Variants in VWA8 observed in about 807,000 individuals in gnomAD.
VWA8 encodes the protein von Willebrand factor A domain containing 8.
VWA8 carries 221 observed loss-of-function variants against 241.5 expected under a neutral mutation model. The observed-to-expected ratio is 0.91, with a 90% CI of 0.82 to 1.02. The LOEUF is 1.02. Ranked by LOEUF, VWA8 falls within the 50% of genes least tolerant of loss-of-function variation. The pLI is 0.00. For missense variants in VWA8, 2,322 were observed against 2,328.7 expected, an observed-to-expected ratio of 1.00 and a Z score of 0.06; for synonymous variants, 852 against 827.1, an observed-to-expected ratio of 1.03 and a Z score of -0.52.
intron 9 of VWA8, among the ~76,000 whole-genome samples, chr13:41,873,499 G>A (rs1017053845): frequency 7.9e-5 from 12 of 151,986 alleles, no homozygotes; most frequent in Non-Finnish European, 1.5e-4. Flanking sequence ...TGATAAAGGG[G>A]ATATCACCAC....
intron 2 of VWA8, among the ~76,000 whole-genome samples, chr13:41,929,384 C>A (rs1215477970): frequency 6.6e-6 from 1 of 152,052 alleles, no homozygotes; most frequent in Admixed American, 6.6e-5. Flanking sequence ...AACTCCTGGG[C>A]TAGAGCAATC....
intron 40 of VWA8, among the ~76,000 whole-genome samples, chr13:41,596,430 G>A (rs2044488479): frequency 6.6e-6 from 1 of 152,052 alleles, no homozygotes; most frequent in African/African-American, 2.4e-5. Flanking sequence ...AAAGCCTTCT[G>A]TATTTTATGA....
At chr13:41,613,524 A>G (rs2044602851) in intron 38 of VWA8, among the ~76,000 whole-genome samples, 1 of 152,176 alleles carries the variant, frequency 6.6e-6, no homozygotes, top group Non-Finnish European at 1.5e-5. Flanking sequence ...AGATGTTATC[A>G]TTCTGGTGAA....
chr13:41,848,811 C>T (rs1480942674), intron 12 of VWA8, among the ~76,000 whole-genome samples: 1 of 152,198 alleles, frequency 6.6e-6, no homozygotes, highest in Admixed American at 6.5e-5. Context: ...TCATTCCTCT[C>T]CTGCAGGGGC....
intron 37 of VWA8, among the ~76,000 whole-genome samples, chr13:41,653,666 C>T (rs190427796): frequency 1.3e-5 from 2 of 152,308 alleles, no homozygotes; most frequent in Non-Finnish European, 2.9e-5. Flanking sequence ...AACTATACTA[C>T]AAGGCTACAG....
intron 17 of VWA8, chr13:41,807,656 A>C (rs1322419432): frequency 6.6e-6 from 1 of 152,222 alleles, no homozygotes; most frequent in Non-Finnish European, 1.5e-5. Flanking sequence ...CATGATGAAA[A>C]CCCTCCAAAT....
intron 4 of VWA8, among the ~76,000 whole-genome samples, chr13:41,901,915 C>T (rs2324824): frequency 0.36 from 24,516 of 68,536 alleles, 3,643 homozygotes; most frequent in East Asian, 0.48. Context: ...TATATATATA[C>T]ACACACATAT....
intron 37 of VWA8, among the ~76,000 whole-genome samples, chr13:41,648,682 A>G (rs2044848990): frequency 6.6e-6 from 1 of 152,220 alleles, no homozygotes; most frequent in African/African-American, 2.4e-5. Flanking sequence ...AGACCTACAA[A>G]AACTTTTTCA....
chr13:41,923,997 T>C (rs1238469824), intron 2 of VWA8, among the ~76,000 whole-genome samples: 1 of 151,018 alleles, frequency 6.6e-6, no homozygotes, highest in African/African-American at 2.4e-5. Context: ...CACACACAAA[T>C]GAAAAAGCAA....
chr13:41,647,146 T>A (rs964542890), intron 37 of VWA8, among the ~76,000 whole-genome samples: 8 of 152,176 alleles, frequency 5.3e-5, no homozygotes, highest in Non-Finnish European at 1.2e-4. Context: ...CTGTTTATCA[T>A]TTACACAGAA....
intron 21 of VWA8, among the ~76,000 whole-genome samples, chr13:41,760,323 C>A (rs1369825943): frequency 1.3e-5 from 2 of 151,828 alleles, no homozygotes; most frequent in Non-Finnish European, 2.9e-5. Flanking sequence ...TCCTCTTTCT[C>A]CTTTGACCCA....
In VWA8 at chr13:41,819,281, C is replaced by G; in HGVS notation, c.1806G>C (p.Met602Ile). ...HQWLGPEFLTMFFFHYMKPLV... is the reference protein window; with the variant it reads ...HQWLGPEFLTIFFFHYMKPLV... ...GTGGTTTCATGTAATGGAAAAAGAA[C>G]ATGGTTAAGAATTCTGGTCCCAGCC... Residue 602 changes from methionine to isoleucine, a missense_variant, in exon 15 of 45, where the codon ATG (methionine) becomes ATC (isoleucine). Transcript: ENST00000379310. 1.2e-6 allele frequency: 2 copies of G among 1,613,000 alleles called. No homozygotes were observed. Among genetic ancestry groups the G allele is most frequent in the Non-Finnish European group, 8.5e-7 (1 of 1,179,784 alleles).
At chr13:41,760,061 T>C (rs2045728450) in intron 21 of VWA8, among the ~76,000 whole-genome samples, 1 of 151,846 alleles carries the variant, frequency 6.6e-6, no homozygotes, top group African/African-American at 2.4e-5. Flanking sequence ...GATAGATTAG[T>C]CCTACTTCTA....
Position 41,784,719 on chromosome 13 carries a change from T to TACACACAC in VWA8, c.2171-819_2171-818insGTGTGTGT, listed in dbSNP as rs1226033020. 1.7e-3 allele frequency among the ~76,000 whole-genome samples: 120 copies of TACACACAC among 72,696 alleles called. 2 individuals are homozygous for TACACACAC. The highest frequency in any genetic ancestry group is 2.3e-3 in the East Asian group (5 of 2,174). 47.7% of individuals were successfully genotyped at this position (72,696 alleles called of 152,430 possible). A position where few individuals can be genotyped will look rare whatever the true frequency, so the allele number is the denominator to read the frequency against. On this transcript the variant is annotated intron_variant, in intron 18 of 44. Coordinates refer to ENST00000379310, the MANE Select transcript of VWA8 (RefSeq NM_015058.2). ...ATACATATATATATATATATATATA[T>TACACACAC]ATATATATATACACACACATATATA... is the stretch of plus-strand genomic sequence containing the variant.
At chr13:41,814,922 T>G (rs1472576252) in intron 16 of VWA8, among the ~76,000 whole-genome samples, 3 of 151,944 alleles carry the variant, frequency 2.0e-5, no homozygotes, top group Non-Finnish European at 2.9e-5. Context: ...CAACAAAAAA[T>G]TAGTGAGTAA....
chr13:41,599,056 C>A (rs764966662), intron 40 of VWA8, among the ~76,000 whole-genome samples: 1 of 152,128 alleles, frequency 6.6e-6, no homozygotes, highest in Non-Finnish European at 1.5e-5. Context: ...GTTTACTAAG[C>A]ACTTACCATG....
chr13:41,753,890 T>G (rs1475738596), intron 21 of VWA8, among the ~76,000 whole-genome samples: 3 of 152,196 alleles, frequency 2.0e-5, no homozygotes, highest in Non-Finnish European at 2.9e-5. Flanking sequence ...AGAGAAGTCT[T>G]AAACATTCTT....
chr13:41,637,439 G>A (rs894940676), intron 37 of VWA8, among the ~76,000 whole-genome samples: 2 of 148,280 alleles, frequency 1.3e-5, no homozygotes, highest in African/African-American at 2.5e-5. Flanking sequence ...GGGAGGGATA[G>A]CATTAGGAGA....
At chr13:41,869,558 G>A (rs1302066449) in intron 9 of VWA8, among the ~76,000 whole-genome samples, 1 of 136,232 alleles carries the variant, frequency 7.3e-6, no homozygotes, top group African/African-American at 2.7e-5. Flanking sequence ...CTTGAACCCA[G>A]AGACAGAGGT....
Sources: gnomAD v4.1 joint callset for allele counts (sites outside exome capture counted in the v4.1 genomes callset) on GRCh38, gnomAD v4.1.1 for gene constraint, MANE v1.5 for transcripts, NCBI Gene and HGNC (gene_info 2026-07-23, HGNC 2026-07-21) for gene names.